Variants in FGF12 observed in about 807,000 individuals in gnomAD.
FGF12 encodes fibroblast growth factor 12, also known as fibroblast growth factor 12B.
Under a neutral mutation model 23.6 loss-of-function variants are expected in FGF12, and 14 were observed. The observed-to-expected ratio is 0.59, with a 90% CI of 0.39 to 0.93. The LOEUF is 0.93. Among genes scored for constraint, FGF12 ranks in the 40% least tolerant of loss-of-function variants. The probability of loss-of-function intolerance (pLI) is 0.00; values close to 1 mark genes in which losing one functional copy is unlikely to be tolerated. For missense variants in FGF12, 175 were observed against 217.8 expected (o/e 0.80, Z 1.24); for synonymous variants, 62 against 77.3 (o/e 0.80, Z 1.04).
chr3:192,669,660 G>A (rs967289871), intron 2 of FGF12, among the ~76,000 whole-genome samples: 7 of 141,640 alleles, frequency 4.9e-5, no homozygotes, highest in African/African-American at 1.8e-4. Flanking sequence ...AATCCTGGAT[G>A]TCCCCAGAAA....
chr3:192,246,041 A>T (rs1413108741), intron 4 of FGF12, among the ~76,000 whole-genome samples: 2 of 152,240 alleles, frequency 1.3e-5, no homozygotes, highest in African/African-American at 2.4e-5. Context: ...TCATCACATT[A>T]CAAAATTCTG....
chr3:192,682,408 C>T (rs1446830059), intron 2 of FGF12, among the ~76,000 whole-genome samples: 1 of 152,170 alleles, frequency 6.6e-6, no homozygotes, highest in Non-Finnish European at 1.5e-5. Flanking sequence ...CTGACTCCAG[C>T]TCCACCTCTG....
At chr3:192,423,050 G>A (rs961099717) in intron 2 of FGF12, among the ~76,000 whole-genome samples, 2 of 152,142 alleles carry the variant, frequency 1.3e-5, no homozygotes, top group African/African-American at 4.8e-5. Context: ...TGATATGACA[G>A]CTCCGTGAGT....
chr3:192,195,144 A>T (rs1296653888), intron 4 of FGF12, among the ~76,000 whole-genome samples: 1 of 152,156 alleles, frequency 6.6e-6, no homozygotes, highest in Non-Finnish European at 1.5e-5. Flanking sequence ...GGCATCGTGA[A>T]CTCTCATTTT....
chr3:192,514,814 A>ACCAACAGGCGGCCTGTCTTCGGAAG lies in FGF12; in HGVS notation c.14-154301_14-154277dup. 3.0e-6 allele frequency: 3 copies of ACCAACAGGCGGCCTGTCTTCGGAAG among 985,318 alleles called. No homozygotes were observed. Among genetic ancestry groups the ACCAACAGGCGGCCTGTCTTCGGAAG allele is most frequent in the Non-Finnish European group, 3.6e-6 (3 of 829,904 alleles). The allele number at this position is 985,318 out of a possible 1,614,324, so 61.0% of individuals were successfully genotyped here. A position where few individuals can be genotyped will look rare whatever the true frequency, so the allele number is the denominator to read the frequency against. ...CCCGCCCACCTGCGCTAGTAGTCCA[A>ACCAACAGGCGGCCTGTCTTCGGAAG]CCAACAGGCGGCCTGTCTTCGGAAG... is the stretch of plus-strand genomic sequence containing the variant. On this transcript the variant is annotated intron_variant, in intron 2 of 5. Coordinates refer to ENST00000445105, the MANE Select transcript of FGF12 (RefSeq NM_004113.6). The surrounding 1 kb of genome is among the most constrained non-coding windows in gnomAD (Gnocchi z 4.9).
At chr3:192,621,573 A>G (rs1263116839) in intron 2 of FGF12, among the ~76,000 whole-genome samples, 1 of 151,594 alleles carries the variant, frequency 6.6e-6, no homozygotes, top group African/African-American at 2.4e-5. Flanking sequence ...CGACTCGTGG[A>G]GCATAGTGCC....
chr3:192,464,404 G>A (rs1414290926), intron 2 of FGF12, among the ~76,000 whole-genome samples: 1 of 151,666 alleles, frequency 6.6e-6, no homozygotes, highest in East Asian at 2.0e-4. Flanking sequence ...TTTCTATTCC[G>A]GAGTTACCTC....
At chr3:192,160,237 A>G (rs1443531318) in intron 5 of FGF12, among the ~76,000 whole-genome samples, 1 of 152,146 alleles carries the variant, frequency 6.6e-6, no homozygotes, top group Non-Finnish European at 1.5e-5. Flanking sequence ...ATGAATCCCC[A>G]TCACATTAAC....
At chr3:192,633,247 T>G (rs1039397857) in intron 2 of FGF12, among the ~76,000 whole-genome samples, 2 of 152,202 alleles carry the variant, frequency 1.3e-5, no homozygotes, top group South Asian at 4.2e-4. Context: ...GGTTTCATCA[T>G]GTTGGTCAGG....
At chr3:192,547,485 T>C (rs925612583) in intron 2 of FGF12, among the ~76,000 whole-genome samples, 11 of 152,206 alleles carry the variant, frequency 7.2e-5, no homozygotes, top group African/African-American at 2.7e-4. Context: ...ACCAAGTTAT[T>C]TCAGGAAGGT....
intron 2 of FGF12, among the ~76,000 whole-genome samples, chr3:192,443,939 C>A (rs2108798052): frequency 6.6e-6 from 1 of 152,254 alleles, no homozygotes; most frequent in East Asian, 1.9e-4. Context: ...CTGCAAGGTG[C>A]AATGCTGGCC....
intron 2 of FGF12, among the ~76,000 whole-genome samples, chr3:192,374,016 C>T (rs975748697): frequency 6.6e-6 from 1 of 152,134 alleles, no homozygotes; most frequent in Non-Finnish European, 1.5e-5. Flanking sequence ...AAAACAGTTT[C>T]CCATTTACAT....
chr3:192,374,897 G>A (rs1386535507), intron 2 of FGF12, among the ~76,000 whole-genome samples: 1 of 152,070 alleles, frequency 6.6e-6, no homozygotes, highest in Non-Finnish European at 1.5e-5. Context: ...TTCCATAATT[G>A]CTTCAAATCG....
At chr3:192,228,721 C>T (rs2108581502) in intron 4 of FGF12, among the ~76,000 whole-genome samples, 1 of 152,142 alleles carries the variant, frequency 6.6e-6, no homozygotes, top group African/African-American at 2.4e-5. Context: ...AAGGAATCCA[C>T]AAGTCATGTT....
chr3:192,364,565 T>C (rs1257294303), intron 2 of FGF12, among the ~76,000 whole-genome samples: 1 of 152,146 alleles, frequency 6.6e-6, no homozygotes, highest in Admixed American at 6.5e-5. Flanking sequence ...GGAATGTAAG[T>C]GGAAGTGATG....
chr3:192,514,081 G>T lies in FGF12; in HGVS notation c.14-153543C>A, dbSNP rs1418085328. Among the ~76,000 whole-genome samples, 1 of 151,556 alleles carries T rather than the reference G, an allele frequency of 6.6e-6. No individual in the cohort carries two copies. Among genetic ancestry groups the T allele is most frequent in the Non-Finnish European group, 1.5e-5 (1 of 67,932 alleles). ...GTTCTGATTTTCTTTCTTTTCCTCC[G>T]TGTAGTCTTTCCCAGGGCACCCGGT... is the stretch of plus-strand genomic sequence containing the variant. On this transcript the variant is annotated intron_variant, in intron 2 of 5. Transcript: ENST00000445105. The surrounding 1 kb of genome is among the most constrained non-coding windows in gnomAD (Gnocchi z 4.9).
intron 4 of FGF12, among the ~76,000 whole-genome samples, chr3:192,333,622 G>A (rs1717237968): frequency 6.6e-6 from 1 of 151,932 alleles, no homozygotes; most frequent in Non-Finnish European, 1.5e-5. Flanking sequence ...TGTATATTTT[G>A]ATCTGAATAT....
intron 2 of FGF12, among the ~76,000 whole-genome samples, chr3:192,472,539 G>C (rs1723204021): frequency 6.6e-6 from 1 of 151,970 alleles, no homozygotes; most frequent in African/African-American, 2.4e-5. Flanking sequence ...AGAGTCCAAA[G>C]GTTCCCCCAA....
intron 3 of FGF12, 46 bp from the exon 4 acceptor site, chr3:192,335,510 A>G: frequency 1.8e-6 from 2 of 1,120,166 alleles, no homozygotes; most frequent in Non-Finnish European, 2.7e-6. Context: ...GACCTTTTGA[A>G]TAAATAATCC....
Sources: allele counts gnomAD v4.1 joint callset (sites outside exome capture counted in the v4.1 genomes callset), GRCh38; gene constraint gnomAD v4.1.1; non-coding constraint Gnocchi (gnomAD v3.1); transcripts MANE v1.5; gene names NCBI Gene and HGNC (gene_info 2026-07-23, HGNC 2026-07-21).